The following RXFP2 variants were observed in gnomAD, a reference collection of about 807,000 sequenced individuals.
RXFP2 encodes the protein relaxin family peptide receptor 2, also known as relaxin receptor 2.
A neutral mutation model predicts 88.6 loss-of-function variants in RXFP2; 68 were observed. That is an observed-to-expected ratio of 0.77 (90% confidence interval 0.63 to 0.94). RXFP2 has a LOEUF of 0.94. Among genes scored for constraint, RXFP2 ranks in the 40% least tolerant of loss-of-function variants. RXFP2 has a pLI of 0.00. For missense variants in RXFP2, 791 were observed against 893.9 expected (o/e 0.88, Z 1.47); for synonymous variants, 329 against 306.8 (o/e 1.07, Z -0.76).
chr13:31,778,335 C>G (rs886392607), intron 8 of RXFP2, among the ~76,000 whole-genome samples, 177 bp from the exon 9 acceptor site: 1 of 152,146 alleles, frequency 6.6e-6, no homozygotes, highest in Non-Finnish European at 1.5e-5. Context: ...TTGACAACAT[C>G]TGCTCCCTAA....
chr13:31,774,522 A>G, intron 5 of RXFP2, 98 bp from the exon 6 acceptor site: 1 of 768,936 alleles, frequency 1.3e-6, no homozygotes, highest in South Asian at 1.4e-5. Context: ...CTTCAATTTC[A>G]CAATTGTCTT....
chr13:31,782,827 C>A, intron 11 of RXFP2, 80 bp downstream of exon 11: 2 of 867,588 alleles, frequency 2.3e-6, no homozygotes, highest in Non-Finnish European at 3.8e-6. Flanking sequence ...GACTGCTTTG[C>A]CACTAGTAGC....
At chr13:31,746,780 G>T (rs1266554606) in intron 1 of RXFP2, among the ~76,000 whole-genome samples, 1 of 91,128 alleles carries the variant, frequency 1.1e-5, no homozygotes. Flanking sequence ...TATATCTATT[G>T]CTGTAGATAT....
At chr13:31,776,501 T>C (rs1191042127) in intron 7 of RXFP2, among the ~76,000 whole-genome samples, 1 of 152,010 alleles carries the variant, frequency 6.6e-6, no homozygotes, top group Non-Finnish European at 1.5e-5. Context: ...GCTCAAGCGA[T>C]CTGCCTGCCT....
chr13:31,749,050 C>A (rs1431885772), intron 1 of RXFP2, among the ~76,000 whole-genome samples: 2 of 152,062 alleles, frequency 1.3e-5, no homozygotes, highest in Non-Finnish European at 1.5e-5. Flanking sequence ...ATTTAGGTAT[C>A]TTTTCCTTTA....
intron 7 of RXFP2, among the ~76,000 whole-genome samples, chr13:31,775,760 C>T (rs1180441312): frequency 6.6e-6 from 1 of 152,220 alleles, no homozygotes; most frequent in Non-Finnish European, 1.5e-5. Context: ...ACTTGTTCTG[C>T]TTTCCAGAGC....
intron 15 of RXFP2, 55 bp downstream of exon 15, chr13:31,792,090 T>A: frequency 8.3e-7 from 1 of 1,208,516 alleles, no homozygotes; most frequent in Non-Finnish European, 1.2e-6. Context: ...AGTTGTGCAC[T>A]AGACATATAT....
chr13:31,761,801 T>C lies in RXFP2; in HGVS notation c.319T>C (p.Phe107Leu), dbSNP rs772187543. Residue 107 changes from phenylalanine (F) to leucine (L), a missense_variant and splice_region_variant, in exon 3 of 18, where the codon TTT (phenylalanine) becomes CTT (leucine). Coordinates refer to ENST00000298386, the MANE Select transcript of RXFP2 (RefSeq NM_130806.5). ...ANSVALTQECFLKQYPQCCDC... is the reference protein window; with the variant it reads ...ANSVALTQECLLKQYPQCCDC... ...CAGCGTGGCCTTAACACAGGAGTGC[T>C]GTAAGTGGTTTTGATTCAAAGACAG... is the stretch of plus-strand genomic sequence containing the variant. 8 of 1,604,498 alleles carry C rather than the reference T, an allele frequency of 5.0e-6. No homozygotes were observed. In the South Asian group the frequency reaches 8.8e-5, roughly 18 times the overall value.
intron 16 of RXFP2, among the ~76,000 whole-genome samples, chr13:31,794,165 C>T (rs1873918593): frequency 1.3e-5 from 2 of 152,204 alleles, no homozygotes; most frequent in South Asian, 4.1e-4. Flanking sequence ...CCTTCTCTTC[C>T]TCCTCTGAAA....
chr13:31,766,067 C>A (rs745501373), intron 5 of RXFP2, 40 bp downstream of exon 5: 183 of 966,636 alleles, frequency 1.9e-4, no homozygotes, highest in Non-Finnish European at 3.0e-4. Context: ...AAAAAAAATC[C>A]TCGTGGTGGT....
intron 1 of RXFP2, among the ~76,000 whole-genome samples, chr13:31,753,824 T>C (rs1269255294): frequency 1.3e-5 from 2 of 152,128 alleles, no homozygotes. Flanking sequence ...TTTTTATTTC[T>C]AAATGGCTCA....
At chr13:31,789,625 G>T (rs1217556904) in intron 14 of RXFP2, among the ~76,000 whole-genome samples, 1 of 152,186 alleles carries the variant, frequency 6.6e-6, no homozygotes, top group African/African-American at 2.4e-5. Context: ...CAAAATGGAG[G>T]TAATTAATCT....
At chr13:31,761,917 G>T in intron 3 of RXFP2, 116 bp downstream of exon 3, 21 of 641,750 alleles carry the variant, frequency 3.3e-5, no homozygotes, top group Non-Finnish European at 3.7e-5. Context: ...TTAGTTCAAT[G>T]TATTTCACTG....
intron 3 of RXFP2, 95 bp downstream of exon 3, chr13:31,761,896 G>C: frequency 1.3e-6 from 1 of 798,180 alleles, no homozygotes; most frequent in South Asian, 1.4e-5. Flanking sequence ...ATTCCCTTCA[G>C]AATTTCCGTT....
intron 7 of RXFP2, among the ~76,000 whole-genome samples, chr13:31,775,725 G>A (rs1397505397): frequency 6.6e-6 from 1 of 152,184 alleles, no homozygotes; most frequent in African/African-American, 2.4e-5. Flanking sequence ...GAAAACCACT[G>A]TACTGAAAAG....
intron 16 of RXFP2, among the ~76,000 whole-genome samples, chr13:31,793,602 A>T (rs2138460479): frequency 6.6e-6 from 1 of 152,294 alleles, no homozygotes; most frequent in Non-Finnish European, 1.5e-5. Flanking sequence ...TTTCCTTTCC[A>T]GTTTTCTCAA....
At chr13:31,770,859 A>G (rs1205433973) in intron 5 of RXFP2, among the ~76,000 whole-genome samples, 1 of 152,196 alleles carries the variant, frequency 6.6e-6, no homozygotes, top group Non-Finnish European at 1.5e-5. Flanking sequence ...GTCGTAGCAT[A>G]CCTAGTAAGA....
chr13:31,754,444 T>G (rs1451659748), intron 1 of RXFP2, among the ~76,000 whole-genome samples: 3 of 152,092 alleles, frequency 2.0e-5, no homozygotes, highest in African/African-American at 7.2e-5. Flanking sequence ...GACAGGAGAA[T>G]TGCTTAAACC....
chr13:31,748,883 G>C (rs767911106), intron 1 of RXFP2, among the ~76,000 whole-genome samples: 25 of 152,152 alleles, frequency 1.6e-4, no homozygotes, highest in Admixed American at 3.3e-4. Context: ...TGTAGTCCCA[G>C]CTACTCAGGA....
Sources: allele counts gnomAD v4.1 joint callset (sites outside exome capture counted in the v4.1 genomes callset), GRCh38; gene constraint gnomAD v4.1.1; transcripts MANE v1.5; gene names NCBI Gene and HGNC (gene_info 2026-07-23, HGNC 2026-07-21).